The following POFUT3 variants were observed in gnomAD, a reference collection of about 807,000 sequenced individuals.
POFUT3 encodes the protein GDP-fucose protein O-fucosyltransferase 3.
the POFUT3 span, among the ~76,000 whole-genome samples, chr8:33,318,718 T>C: frequency 1.3e-5 from 1 of 76,748 alleles, no homozygotes; most frequent in Non-Finnish European, 2.2e-5. Flanking sequence ...TATAAATATA[T>C]TGTATATATA....
chr8:33,379,707 G>A, the POFUT3 span, among the ~76,000 whole-genome samples: 2 of 150,892 alleles, frequency 1.3e-5, no homozygotes, highest in South Asian at 2.1e-4. Context: ...GTGGTGGCAT[G>A]AACCTGTAGT....
chr8:33,450,695 C>A, the POFUT3 span, among the ~76,000 whole-genome samples: 7,184 of 152,170 alleles, frequency 0.047, 276 homozygotes, highest in African/African-American at 0.1. Context: ...CCATGAGAGT[C>A]ACTGATAGTT....
chr8:33,412,178 A>G, the POFUT3 span, among the ~76,000 whole-genome samples: 2,241 of 152,292 alleles, frequency 0.015, 57 homozygotes, highest in African/African-American at 0.05. Flanking sequence ...TGTAAGTAAA[A>G]CCCACGGGCT....
the POFUT3 span, among the ~76,000 whole-genome samples, chr8:33,433,645 T>C: frequency 2.7e-5 from 4 of 149,038 alleles, no homozygotes; most frequent in African/African-American, 7.4e-5. Flanking sequence ...CTAGCCAGGC[T>C]TGGTGGCAGG....
the POFUT3 span, among the ~76,000 whole-genome samples, chr8:33,394,817 C>T: frequency 7.2e-5 from 11 of 152,174 alleles, no homozygotes; most frequent in African/African-American, 1.9e-4. Flanking sequence ...CCCCAACACA[C>T]CTGCCTTTCG....
the POFUT3 span, among the ~76,000 whole-genome samples, chr8:33,414,645 G>C: frequency 1.3e-5 from 2 of 152,096 alleles, no homozygotes. Flanking sequence ...TCAGTGAGCA[G>C]AGAGAATGCT....
the POFUT3 span, among the ~76,000 whole-genome samples, chr8:33,434,642 T>C: frequency 6.6e-6 from 1 of 152,162 alleles, no homozygotes; most frequent in South Asian, 2.1e-4. Context: ...GACAGCCCCT[T>C]AGCAGGGCAC....
At chr8:33,462,519 T>C in the POFUT3 span, among the ~76,000 whole-genome samples, 4 of 152,350 alleles carry the variant, frequency 2.6e-5, no homozygotes, top group East Asian at 7.7e-4. Context: ...TTTATTTGTC[T>C]TTTACAGCAA....
the POFUT3 span, among the ~76,000 whole-genome samples, chr8:33,465,405 T>TATATATATATATATATATATATATATAC: frequency 7.2e-6 from 1 of 139,638 alleles, no homozygotes; most frequent in African/African-American, 2.7e-5. Context: ...TATATATATA[T>TATATATATATATATATATATATATATAC]ACACACATAC....
chr8:33,379,955 A>ACTATATATACACTATATATACACT, the POFUT3 span, among the ~76,000 whole-genome samples: 2 of 109,390 alleles, frequency 1.8e-5, no homozygotes, highest in Non-Finnish European at 3.5e-5. Flanking sequence ...CCCTATATAT[A>ACTATATATACACTATATATACACT]CTATATATAC....
chr8:33,309,043 G>A, the POFUT3 span, among the ~76,000 whole-genome samples: 303 of 147,704 alleles, frequency 2.1e-3, 1 homozygote, highest in Admixed American at 4.2e-3. Flanking sequence ...GTCTGGTGGC[G>A]AAACCTCCAT....
the POFUT3 span, among the ~76,000 whole-genome samples, chr8:33,403,751 T>G: frequency 6.6e-6 from 1 of 152,064 alleles, no homozygotes; most frequent in Non-Finnish European, 1.5e-5. Context: ...AAAAATAAAT[T>G]TATAATGGGT....
the POFUT3 span, among the ~76,000 whole-genome samples, chr8:33,395,424 G>A: frequency 7.2e-5 from 11 of 151,980 alleles, no homozygotes; most frequent in African/African-American, 1.5e-4. Flanking sequence ...GGCCAGGGAC[G>A]ATTGGAGAGG....
chr8:33,328,452 G>A, the POFUT3 span, among the ~76,000 whole-genome samples: 1 of 152,132 alleles, frequency 6.6e-6, no homozygotes, highest in African/African-American at 2.4e-5. Flanking sequence ...AAAACAGGTG[G>A]AAAACAGAAG....
At chr8:33,436,453 C>A in the POFUT3 span, 1 of 1,435,934 alleles carries the variant, frequency 7.0e-7, no homozygotes, top group South Asian at 1.1e-5. Flanking sequence ...ACTGATGTTG[C>A]CCACATGCAA....
At chr8:33,393,395 T>C in the POFUT3 span, among the ~76,000 whole-genome samples, 1 of 152,220 alleles carries the variant, frequency 6.6e-6, no homozygotes, top group Non-Finnish European at 1.5e-5. Flanking sequence ...TCTTTGGCAC[T>C]AATGTGCACT....
At chr8:33,350,782 A>G in the POFUT3 span, among the ~76,000 whole-genome samples, 2 of 152,124 alleles carry the variant, frequency 1.3e-5, no homozygotes, top group Non-Finnish European at 2.9e-5. Flanking sequence ...GAAAGGAGAG[A>G]TCAGTGATTG....
the POFUT3 span, among the ~76,000 whole-genome samples, chr8:33,318,002 T>TACTTTCAAAC: frequency 6.6e-6 from 1 of 152,116 alleles, no homozygotes; most frequent in Non-Finnish European, 1.5e-5. Flanking sequence ...AAATGTCTGG[T>TACTTTCAAAC]GAATAAAATG....
At chr8:33,326,325 G>A in the POFUT3 span, among the ~76,000 whole-genome samples, 685 of 152,144 alleles carry the variant, frequency 4.5e-3, 6 homozygotes, top group African/African-American at 0.016. Flanking sequence ...GTACCCTTAA[G>A]TCATAGTGCC....
Sources: allele counts gnomAD v4.1 joint callset (sites outside exome capture counted in the v4.1 genomes callset), GRCh38; gene constraint gnomAD v4.1.1; transcripts MANE v1.5; gene names NCBI Gene and HGNC (gene_info 2026-07-23, HGNC 2026-07-21).